SORT1: variants seen among roughly 807,000 people sequenced by gnomAD.
The protein encoded by SORT1 is sortilin.
In SORT1, 39 loss-of-function variants were observed where a neutral mutation model predicts 101.7. The observed-to-expected ratio is 0.38, with a 90% CI of 0.30 to 0.50. The LOEUF (loss-of-function observed/expected upper bound fraction) is 0.50. Among genes scored for constraint, SORT1 ranks in the 20% least tolerant of loss-of-function variants. The probability of loss-of-function intolerance (pLI) is 0.90; values close to 1 mark genes in which losing one functional copy is unlikely to be tolerated. For synonymous variants in SORT1, 396 were observed against 393.7 expected, an observed-to-expected ratio of 1.01 and a Z score of -0.07; for missense variants, 878 against 1,040.4, an observed-to-expected ratio of 0.84 and a Z score of 2.15.
chr1:109,385,478 G>A (rs898049857), intron 1 of SORT1, among the ~76,000 whole-genome samples: 3 of 152,132 alleles, frequency 2.0e-5, no homozygotes. Context: ...TCAATAAATA[G>A]CTACATTTCA....
At chr1:109,390,771 A>ATGTGTGTGTGTGTG (rs376882706) in intron 1 of SORT1, among the ~76,000 whole-genome samples, 7 of 145,718 alleles carry the variant, frequency 4.8e-5, no homozygotes, top group African/African-American at 1.8e-4. Flanking sequence ...GTGTGTGTGT[A>ATGTGTGTGTGTGTG]TGTGTGTGTG....
chr1:109,355,373 A>T lies in SORT1; in HGVS notation c.537T>A (p.Ser179=). 6.5e-7 allele frequency: 1 copy of T among 1,547,580 alleles called. No homozygotes were observed. Among genetic ancestry groups the T allele is most frequent in the Non-Finnish European group, 8.9e-7 (1 of 1,119,362 alleles). The change falls in exon 4 of 20, where the codon TCT becomes TCA. Residue 179 remains serine, a synonymous_variant. Transcript: ENST00000256637. The part of the protein sequence containing the change: ...EFGMAIGPEN[S]GKVVLTAEVS... ...ATACAAGAATGAGTCTCACCTTTCC[A>T]GAGTTCTCAGGACCAATAGCCATGC... is the stretch of plus-strand genomic sequence containing the variant.
rs1658720511 is a variant in SORT1, at chr1:109,311,342, C to G, written c.*2701G>C. ...GCCTGGGAGTTTACACAATGATACA[C>G]TATGTTTTACCTTCAAAGATAATGC... On this transcript the variant is annotated 3_prime_UTR_variant, in exon 20 of 20. Coordinates refer to ENST00000256637, the MANE Select transcript of SORT1 (RefSeq NM_002959.7). 3 of 152,262 alleles carry G rather than the reference C, an allele frequency of 2.0e-5. 1 individual carries two copies. The highest frequency in any genetic ancestry group is 2.0e-4 in the Admixed American group (3 of 15,288). 9.4% of individuals were successfully genotyped at this position (152,262 alleles called of 1,614,324 possible).
chr1:109,338,154 G>C (rs1160779827), intron 10 of SORT1, among the ~76,000 whole-genome samples: 1 of 152,172 alleles, frequency 6.6e-6, no homozygotes, highest in Non-Finnish European at 1.5e-5. Context: ...GATAGTCAGG[G>C]AAGGTCTCAT....
chr1:109,397,842 G>A lies in SORT1; in HGVS notation c.51C>T (p.Gly17=). The part of the protein sequence containing the change: ...AADGLSRWPH[G]LGLLLLLQLL... ...GCTGCAGGAGGAGGAGGAGGCCGAG[G>A]CCATGGGGCCAGCGCGAGAGGCCGT... Residue 17 remains glycine (G), a synonymous_variant, in exon 1 of 20, where the codon GGC becomes GGT. Coordinates refer to ENST00000256637, the MANE Select transcript of SORT1 (RefSeq NM_002959.7). The A allele has an allele frequency of 1.5e-6, 2 of 1,299,548 alleles. No homozygotes were observed. Among genetic ancestry groups the A allele is most frequent in the Admixed American group, 2.9e-5 (1 of 34,146 alleles). The allele number at this position is 1,299,548 out of a possible 1,614,324, so 80.5% of individuals were successfully genotyped here.
chr1:109,347,596 T>C (rs72646562), intron 6 of SORT1, 64 bp from the exon 7 acceptor site: 3 of 1,179,076 alleles, frequency 2.5e-6, no homozygotes, highest in African/African-American at 1.5e-5. Flanking sequence ...GTGTTGACCT[T>C]ACTCACAAAC....
At chr1:109,381,464 C>A (rs1021030052) in intron 1 of SORT1, among the ~76,000 whole-genome samples, 7 of 151,844 alleles carry the variant, frequency 4.6e-5, no homozygotes, top group African/African-American at 1.7e-4. Context: ...TTAAAAAACC[C>A]AAAACTAAAA....
At chr1:109,317,741 G>T in intron 16 of SORT1, 112 bp downstream of exon 16, 1 of 748,178 alleles carries the variant, frequency 1.3e-6, no homozygotes, top group Non-Finnish European at 2.3e-6. Context: ...CCCCAACCCC[G>T]CCAAAAATAG....
chr1:109,391,475 T>G (rs752586910), intron 1 of SORT1, among the ~76,000 whole-genome samples: 1 of 152,206 alleles, frequency 6.6e-6, no homozygotes, highest in Non-Finnish European at 1.5e-5. Flanking sequence ...AGATGAGGAA[T>G]CGAGGGCCAG....
At chr1:109,326,586 C>T (rs1281722060) in intron 13 of SORT1, among the ~76,000 whole-genome samples, 1 of 147,982 alleles carries the variant, frequency 6.8e-6, no homozygotes, top group Non-Finnish European at 1.5e-5. Flanking sequence ...TATATACACA[C>T]ACACATATAT....
chr1:109,380,813 CAAAA>C (rs60568166), intron 1 of SORT1, among the ~76,000 whole-genome samples: 3 of 49,220 alleles, frequency 6.1e-5, no homozygotes, highest in Non-Finnish European at 1.0e-4. Flanking sequence ...CCTGTCGCCA[CAAAA>C]AAAAAAAAAA....
At chr1:109,342,990 T>C (rs1018049722) in intron 8 of SORT1, among the ~76,000 whole-genome samples, 7 of 152,188 alleles carry the variant, frequency 4.6e-5, no homozygotes, top group Admixed American at 3.9e-4. Flanking sequence ...CTTATTCTCA[T>C]TACTGTAGGT....
intron 10 of SORT1, 66 bp from the exon 11 acceptor site, chr1:109,336,412 C>T: frequency 1.0e-6 from 1 of 989,964 alleles, no homozygotes; most frequent in Non-Finnish European, 1.6e-6. Flanking sequence ...TTCACTTTAT[C>T]ACTGCATGAC....
chr1:109,314,001 T>A lies in SORT1; in HGVS notation c.*42A>T, dbSNP rs749614139. On this transcript the variant is annotated 3_prime_UTR_variant, in exon 20 of 20. Coordinates refer to ENST00000256637, the MANE Select transcript of SORT1 (RefSeq NM_002959.7). ...GAGCCACAGGGAGTGTAAGAGGTAC[T>A]GTGGTTCCACCATCCATGCTGGGTC... 3.1e-6 allele frequency: 5 copies of A among 1,602,886 alleles called. No individual in the cohort carries two copies. The highest frequency in any genetic ancestry group is 4.3e-6 in the Non-Finnish European group (5 of 1,170,022).
intron 11 of SORT1, among the ~76,000 whole-genome samples, chr1:109,331,549 G>C (rs1324938139): frequency 2.6e-5 from 4 of 152,050 alleles, no homozygotes; most frequent in Non-Finnish European, 5.9e-5. Context: ...AAGGCTATAT[G>C]TGACAAGCCC....
chr1:109,319,471 A>G (rs77406203), intron 15 of SORT1, among the ~76,000 whole-genome samples: 1 of 152,126 alleles, frequency 6.6e-6, no homozygotes, highest in African/African-American at 2.4e-5. Context: ...CCTCTCCCTT[A>G]CTACCCACAT....
chr1:109,347,657 T>A, intron 6 of SORT1, 125 bp from the exon 7 acceptor site: 1 of 645,588 alleles, frequency 1.5e-6, no homozygotes, highest in Non-Finnish European at 2.8e-6. Context: ...AAGCACCACT[T>A]CTCAGGCGCT....
At chr1:109,339,714 CCTG>C (rs907747361) in intron 10 of SORT1, among the ~76,000 whole-genome samples, 3 of 152,196 alleles carry the variant, frequency 2.0e-5, no homozygotes, top group African/African-American at 4.8e-5. Context: ...ATCATGTGAT[CCTG>C]CTATTTCACT....
At chr1:109,360,079 A>G (rs1050187560) in intron 3 of SORT1, among the ~76,000 whole-genome samples, 1 of 152,178 alleles carries the variant, frequency 6.6e-6, no homozygotes, top group Non-Finnish European at 1.5e-5. Flanking sequence ...CATGAGATAT[A>G]TTTATTTAGT....
Sources: gnomAD v4.1 joint callset for allele counts (sites outside exome capture counted in the v4.1 genomes callset) on GRCh38, gnomAD v4.1.1 for gene constraint, MANE v1.5 for transcripts, NCBI Gene and HGNC (gene_info 2026-07-23, HGNC 2026-07-21) for gene names.